The following MYO7B variants were observed in gnomAD, a reference collection of about 807,000 sequenced individuals.
MYO7B encodes the protein unconventional myosin-VIIb.
Under a neutral mutation model 259.7 loss-of-function variants are expected in MYO7B, and 212 were observed. The observed-to-expected ratio is 0.82, with a 90% CI of 0.73 to 0.91. The LOEUF (loss-of-function observed/expected upper bound fraction) is 0.91. MYO7B is among the 40% of genes least tolerant of loss of function. The pLI is 0.00. For synonymous variants in MYO7B, 1,197 were observed against 1,166.4 expected (o/e 1.03, Z -0.54); for missense variants, 2,732 against 2,813.5 (o/e 0.97, Z 0.66).
intron 1 of MYO7B, among the ~76,000 whole-genome samples, chr2:127,552,979 CT>C (rs1324127621): frequency 6.7e-6 from 1 of 150,074 alleles, no homozygotes; most frequent in Non-Finnish European, 1.5e-5. Context: ...TCTGCAAAGT[CT>C]CAGCATTTCT....
Position 127,578,172 on chromosome 2 carries a change from G to T in MYO7B, c.889G>T (p.Asp297Tyr), listed in dbSNP as rs778766460. The T allele has an allele frequency of 1.2e-6, 2 of 1,613,830 alleles. No individual in the cohort carries two copies. The highest frequency in any genetic ancestry group is 1.7e-6 in the Non-Finnish European group (2 of 1,179,880). Reference protein sequence around the residue: ...TSCEGLNDAKDYAHIRSAMKI... With the variant: ...TSCEGLNDAKYYAHIRSAMKI... ...CTGTGAGGGGCTCAACGACGCCAAG[G>T]ACTACGCCCACATCCGCTCGGCCAT... The change falls in exon 9 of 48, where the codon GAC becomes TAC. Residue 297 changes from aspartate to tyrosine, a missense_variant. Coordinates refer to ENST00000409816, the MANE Select transcript of MYO7B (RefSeq NM_001393586.1).
chr2:127,564,989 C>G (rs376631397), intron 3 of MYO7B, among the ~76,000 whole-genome samples: 2 of 152,372 alleles, frequency 1.3e-5, no homozygotes, highest in East Asian at 1.9e-4. Flanking sequence ...CTAGCCCCAG[C>G]TACGCCCTAA....
At chr2:127,622,931 C>T (rs1346444653) in intron 28 of MYO7B, among the ~76,000 whole-genome samples, 1 of 152,226 alleles carries the variant, frequency 6.6e-6, no homozygotes, top group Non-Finnish European at 1.5e-5. Context: ...CTCAGGCTGC[C>T]CCCACTGGAG....
intron 16 of MYO7B, among the ~76,000 whole-genome samples, chr2:127,592,443 T>G (rs568821343): frequency 6.6e-6 from 1 of 152,192 alleles, no homozygotes; most frequent in South Asian, 2.1e-4. Context: ...AAAAAGCATT[T>G]TAAACTGGGC....
chr2:127,633,071 A>G (rs1681607030), intron 39 of MYO7B, among the ~76,000 whole-genome samples, 187 bp from the exon 40 acceptor site: 1 of 152,172 alleles, frequency 6.6e-6, no homozygotes, highest in Non-Finnish European at 1.5e-5. Context: ...CTGCACCATC[A>G]CTACCTCTGA....
chr2:127,634,765 C>G, intron 42 of MYO7B, 82 bp downstream of exon 42: 1 of 1,264,160 alleles, frequency 7.9e-7, no homozygotes, highest in Non-Finnish European at 1.1e-6. Flanking sequence ...CGGCCCATGC[C>G]CATTCATCCA....
intron 26 of MYO7B, chr2:127,620,136 G>C (rs1323355268): frequency 1.0e-5 from 5 of 497,546 alleles, no homozygotes; most frequent in Non-Finnish European, 1.8e-5. Flanking sequence ...GAGAGCACAG[G>C]CCATGGGAGA....
At chr2:127,545,971 G>A (rs1693213018) in intron 1 of MYO7B, among the ~76,000 whole-genome samples, 1 of 152,220 alleles carries the variant, frequency 6.6e-6, no homozygotes, top group African/African-American at 2.4e-5. Context: ...CTAGACTCTG[G>A]TGACTTTGCC....
chr2:127,561,030 G>A (rs1337192474), intron 2 of MYO7B, among the ~76,000 whole-genome samples: 1 of 152,250 alleles, frequency 6.6e-6, no homozygotes, highest in Non-Finnish European at 1.5e-5. Context: ...AGCGCTTCTG[G>A]TAACTAAGTT....
rs1681837197 is a variant in MYO7B at position 127,636,673 on chromosome 2, G to T, written c.6207+45G>T. On this transcript the variant is annotated intron_variant, in intron 46 of 47. Coordinates refer to ENST00000409816, the MANE Select transcript of MYO7B (RefSeq NM_001393586.1). This position sits in a 1 kb window ranked among gnomAD's most constrained non-coding sequence, Gnocchi z 4.5. ...AGGGGCTGGGGGCCACCAGGTCCAG[G>T]GACCTGTGCAGGTGGGGCTGCAGTC... The T allele has an allele frequency of 6.4e-7, 1 of 1,558,972 alleles. No homozygotes were observed. The highest frequency in any genetic ancestry group is 1.1e-5 in the South Asian group (1 of 89,798).
At chr2:127,619,537 TCAGAGAGCCAGC>T (rs1680744178) in intron 26 of MYO7B, among the ~76,000 whole-genome samples, 2 of 152,218 alleles carry the variant, frequency 1.3e-5, no homozygotes, top group African/African-American at 4.8e-5. Context: ...ATGCAGGAAC[TCAGAGAGCCAGC>T]CATGCACATT....
At chr2:127,621,386 G>T (rs772688646) in intron 27 of MYO7B, among the ~76,000 whole-genome samples, 10 of 151,212 alleles carry the variant, frequency 6.6e-5, no homozygotes, top group Non-Finnish European at 1.5e-4. Context: ...TCAGCCTCTC[G>T]AGTAGCTGGC....
At chr2:127,544,958 C>G (rs576715272) in intron 1 of MYO7B, among the ~76,000 whole-genome samples, 3 of 152,212 alleles carry the variant, frequency 2.0e-5, no homozygotes, top group Admixed American at 6.5e-5. Context: ...ATCTCCTGAC[C>G]TCATGATCCG....
At position 127,637,388 on chromosome 2, in the gene MYO7B, T is replaced by TC. The variant is rs1393112754; in HGVS notation, c.6402dup (p.Lys2135GlnfsTer90). 6.4e-7 allele frequency: 1 copy of TC among 1,569,448 alleles called. No homozygotes were observed. Among genetic ancestry groups the TC allele is most frequent in the Non-Finnish European group, 8.6e-7 (1 of 1,156,880 alleles). On this transcript the variant is annotated frameshift_variant, in exon 48 of 48. Transcript: ENST00000409816. LOFTEE classifies it low-confidence loss of function (END_TRUNC). ...GAGTGCCATGAACAAGCAGCGGGGC[T>TC]CCAAGGCCCCAGCCCTGGCCAGCAC...
intron 34 of MYO7B, among the ~76,000 whole-genome samples, chr2:127,629,115 G>A (rs1434656629): frequency 6.6e-6 from 1 of 152,236 alleles, no homozygotes; most frequent in Non-Finnish European, 1.5e-5. Flanking sequence ...GGTGTGGTTA[G>A]TGCAGGGACT....
Position 127,624,158 on chromosome 2 carries a change from C to A in MYO7B, c.3885C>A (p.Ala1295=), listed in dbSNP as rs900351075. 1 of 1,596,508 alleles carries A rather than the reference C, an allele frequency of 6.3e-7. No homozygotes were observed. The highest frequency in any genetic ancestry group is 2.3e-5 in the East Asian group (1 of 43,958). Residue 1295 remains alanine, a synonymous_variant, in exon 30 of 48, where the codon GCC becomes GCA. Transcript: ENST00000409816. ...MDAIARCEQM[A]QERGESQRQS... is the part of the protein sequence containing the mutation. ...CCATCGCCCGGTGTGAGCAGATGGC[C>A]CAGGAGAGGGGCGAGAGCCAGCGCC...
At chr2:127,588,126 G>A (rs976583338) in intron 14 of MYO7B, among the ~76,000 whole-genome samples, 1 of 152,172 alleles carries the variant, frequency 6.6e-6, no homozygotes, top group Non-Finnish European at 1.5e-5. Context: ...CCAGAGGCAG[G>A]AGGATGTGGC....
At position 127,637,298 on chromosome 2, in the gene MYO7B, C is replaced by CG. The variant is rs749364040; in HGVS notation, c.6328-18_6328-17insG. ...CCCTCTGCACCCACAGCCTCTGACCCCCCCGTCCCCTGTCCAGGGCTATAA... is the reference window on the plus strand; with the variant it reads ...CCCTCTGCACCCACAGCCTCTGACCCGCCCCGTCCCCTGTCCAGGGCTATAA... On this transcript the variant is annotated splice_polypyrimidine_tract_variant and intron_variant, in intron 47 of 47. Coordinates refer to ENST00000409816, the MANE Select transcript of MYO7B (RefSeq NM_001393586.1). 2.7e-6 allele frequency: 4 copies of CG among 1,488,530 alleles called. No homozygotes were observed. In the South Asian group the frequency reaches 3.7e-5, roughly 14 times the overall value. The allele number at this position is 1,488,530 out of a possible 1,614,324, so 92.2% of individuals were successfully genotyped here.
chr2:127,602,967 T>C (rs948018956), intron 19 of MYO7B, among the ~76,000 whole-genome samples: 2 of 150,888 alleles, frequency 1.3e-5, no homozygotes, highest in Non-Finnish European at 2.9e-5. Context: ...ACCACTGTAC[T>C]CCAGCCTAGG....
Sources: allele counts gnomAD v4.1 joint callset (sites outside exome capture counted in the v4.1 genomes callset), GRCh38; gene constraint gnomAD v4.1.1; non-coding constraint Gnocchi (gnomAD v3.1); transcripts MANE v1.5; gene names NCBI Gene and HGNC (gene_info 2026-07-23, HGNC 2026-07-21).